The following CRLS1 variants were observed in gnomAD, a reference collection of about 807,000 sequenced individuals.
CRLS1 encodes the protein cardiolipin synthase (CMP-forming).
Under a neutral mutation model 37.0 loss-of-function variants are expected in CRLS1, and 24 were observed. The observed-to-expected ratio is 0.65, with a 90% confidence interval of 0.47 to 0.91. The LOEUF is 0.91. Among genes scored for constraint, CRLS1 ranks in the 40% least tolerant of loss-of-function variants. The pLI is 0.00. For synonymous variants in CRLS1, 135 were observed against 159.7 expected (o/e 0.85, Z 1.17); for missense variants, 373 against 395.8 (o/e 0.94, Z 0.49).
chr20:6,006,304 G>A lies in CRLS1; in HGVS notation c.58G>A (p.Ala20Thr), dbSNP rs6085343. 153,142 of 1,315,694 alleles carry A rather than the reference G, an allele frequency of 0.12. 9,520 individuals carry two copies. The highest frequency in any genetic ancestry group is 0.21 in the Middle Eastern group (727 of 3,528). The allele number at this position is 1,315,694 out of a possible 1,614,324, so 81.5% of individuals were successfully genotyped here. ...GGGGGCCCTGCGCGGCGCCGCTTGG[G>A]CTCCGGGAACGCGGCCGAGTAAGCG... ...SWGALRGAAW[A>T]PGTRPSKRRA... Residue 20 changes from alanine to threonine, a missense_variant, in exon 1 of 7, where the codon GCT (alanine) becomes ACT (threonine). By Grantham distance (58) the Ala-to-Thr change is moderately conservative. Transcript: ENST00000378863.
Position 6,037,119 on chromosome 20 carries a change from T to C in CRLS1, c.867T>C (p.Tyr289=), listed in dbSNP as rs149380663. ...FTTAASAYSY[Y]HYGRKTVQVI... ...CAGCTGCATCAGCTTATAGTTACTATCATTATGGCCGGAAGACTGTTCAGG... is the reference window on the plus strand; with the variant it reads ...CAGCTGCATCAGCTTATAGTTACTACCATTATGGCCGGAAGACTGTTCAGG... The change falls in exon 7 of 7, where the codon TAT becomes TAC. Residue 289 remains tyrosine (Y), a synonymous_variant. Coordinates refer to ENST00000378863, the MANE Select transcript of CRLS1 (RefSeq NM_019095.6). 1,837 of 1,613,712 alleles carry C rather than the reference T, an allele frequency of 1.1e-3. 10 individuals carry two copies. The Middle Eastern group carries it at 0.015, about 13-fold the overall frequency.
intron 3 of CRLS1, among the ~76,000 whole-genome samples, chr20:6,026,838 T>G (rs1252957476): frequency 6.6e-6 from 1 of 152,178 alleles, no homozygotes; most frequent in Admixed American, 6.5e-5. Context: ...GTTCGGTATG[T>G]AGACCTTCGC....
intron 2 of CRLS1, among the ~76,000 whole-genome samples, 167 bp downstream of exon 2, chr20:6,010,079 T>TTG (rs376386905): frequency 0.061 from 5,359 of 88,228 alleles, 289 homozygotes; most frequent in African/African-American, 0.2. Flanking sequence ...TATATGGGAT[T>TTG]TTTTTTTTTT....
chr20:6,022,355 T>C (rs891288461), intron 3 of CRLS1, among the ~76,000 whole-genome samples: 39 of 120,074 alleles, frequency 3.2e-4, no homozygotes, highest in Non-Finnish European at 4.6e-4. Flanking sequence ...TTTTTTTTTT[T>C]CAAGACAGGG....
intron 1 of CRLS1, chr20:6,006,776 C>T (rs2090062349): frequency 1.0e-6 from 1 of 985,260 alleles, no homozygotes; most frequent in African/African-American, 1.7e-5. Context: ...ATCCTCTCAT[C>T]CCCCTTCTAT....
intron 2 of CRLS1, among the ~76,000 whole-genome samples, chr20:6,014,630 A>G (rs375219489): frequency 6.6e-6 from 1 of 152,200 alleles, no homozygotes; most frequent in East Asian, 1.9e-4. Context: ...TTCTCAAGTT[A>G]GGATGGAGAC....
intron 3 of CRLS1, among the ~76,000 whole-genome samples, chr20:6,027,209 G>A (rs1385705591): frequency 1.3e-5 from 2 of 150,888 alleles, no homozygotes; most frequent in South Asian, 2.1e-4. Context: ...TCAGCCTCCC[G>A]AGTAGCTGGG....
intron 3 of CRLS1, chr20:6,031,019 TGAG>T (rs760084759): frequency 6.2e-6 from 2 of 322,990 alleles, no homozygotes; most frequent in Non-Finnish European, 1.1e-5. Flanking sequence ...CACAAACAGA[TGAG>T]AAGATCAGCA....
chr20:6,017,887 G>A (rs1305839568), intron 3 of CRLS1, among the ~76,000 whole-genome samples: 3 of 152,166 alleles, frequency 2.0e-5, no homozygotes, highest in African/African-American at 7.2e-5. Context: ...CTAAGTACAT[G>A]ATAGTTCTTG....
At chr20:6,034,269 C>T (rs1010729081) in intron 5 of CRLS1, among the ~76,000 whole-genome samples, 195 bp from the exon 6 acceptor site, 1 of 152,190 alleles carries the variant, frequency 6.6e-6, no homozygotes, top group East Asian at 1.9e-4. Context: ...ACAGATGGGT[C>T]AGTTAGTGAA....
chr20:6,033,724 G>T (rs1980353543), intron 5 of CRLS1, among the ~76,000 whole-genome samples: 1 of 152,148 alleles, frequency 6.6e-6, no homozygotes, highest in Non-Finnish European at 1.5e-5. Context: ...TGTCTGCCCA[G>T]CCTTGAGTGC....
At chr20:6,008,780 G>C (rs2090093552) in intron 1 of CRLS1, among the ~76,000 whole-genome samples, 1 of 152,154 alleles carries the variant, frequency 6.6e-6, no homozygotes, top group South Asian at 2.1e-4. Flanking sequence ...GCATTCTTTA[G>C]ATATGTGTAA....
intron 6 of CRLS1, among the ~76,000 whole-genome samples, chr20:6,034,770 A>C (rs1417497371): frequency 6.6e-6 from 1 of 152,006 alleles, no homozygotes; most frequent in Non-Finnish European, 1.5e-5. Flanking sequence ...AAAGGTACTG[A>C]TAATGTGTTA....
At chr20:6,012,945 C>T (rs763439928) in intron 2 of CRLS1, among the ~76,000 whole-genome samples, 11 of 152,054 alleles carry the variant, frequency 7.2e-5, no homozygotes, top group Admixed American at 6.6e-4. Flanking sequence ...TCTAAAAATG[C>T]GGAGTTCCTT....
At chr20:6,011,753 T>C (rs1228868985) in intron 2 of CRLS1, among the ~76,000 whole-genome samples, 1 of 151,072 alleles carries the variant, frequency 6.6e-6, no homozygotes, top group African/African-American at 2.4e-5. Flanking sequence ...GCCTGGCTAA[T>C]TTTTGTATTT....
intron 1 of CRLS1, chr20:6,007,503 A>G: frequency 7.9e-7 from 1 of 1,259,736 alleles, no homozygotes; most frequent in Non-Finnish European, 1.1e-6. Flanking sequence ...AGACACCTTA[A>G]CTGAAATATT....
chr20:6,014,869 T>G (rs1978618909), intron 2 of CRLS1, among the ~76,000 whole-genome samples: 2 of 152,168 alleles, frequency 1.3e-5, no homozygotes, highest in South Asian at 4.1e-4. Flanking sequence ...AGTTTTCTAT[T>G]CAAATGTAGG....
chr20:6,015,172 C>G (rs1467614480), intron 2 of CRLS1, among the ~76,000 whole-genome samples, 189 bp from the exon 3 acceptor site: 1 of 151,722 alleles, frequency 6.6e-6, no homozygotes, highest in Non-Finnish European at 1.5e-5. Context: ...ATTTTAAGAC[C>G]AGTTGCTAAT....
chr20:6,026,831 C>G (rs995912087), intron 3 of CRLS1, among the ~76,000 whole-genome samples: 1 of 152,090 alleles, frequency 6.6e-6, no homozygotes, highest in Non-Finnish European at 1.5e-5. Flanking sequence ...TCTCAGTGTT[C>G]GGTATGTAGA....
Sources: allele counts gnomAD v4.1 joint callset (sites outside exome capture counted in the v4.1 genomes callset), GRCh38; gene constraint gnomAD v4.1.1; transcripts MANE v1.5; gene names NCBI Gene and HGNC (gene_info 2026-07-23, HGNC 2026-07-21).